The following TRMT13 variants were observed in gnomAD, a reference collection of about 807,000 sequenced individuals.
TRMT13 encodes tRNA:m(4)X modification enzyme TRM13 homolog.
A neutral mutation model predicts 55.9 loss-of-function variants in TRMT13; 45 were observed. That is an observed-to-expected ratio of 0.80 (90% CI 0.63 to 1.03). The LOEUF is 1.03. Among genes scored for constraint, TRMT13 ranks in the 50% least tolerant of loss-of-function variants. TRMT13 has a pLI of 0.00. For missense variants in TRMT13, 513 were observed against 563.9 expected (o/e 0.91, Z 0.91); for synonymous variants, 183 against 196.3 (o/e 0.93, Z 0.57).
At chr1:100,144,936 G>A (rs1570745929) in intron 9 of TRMT13, among the ~76,000 whole-genome samples, 1 of 152,286 alleles carries the variant, frequency 6.6e-6, no homozygotes, top group Admixed American at 6.5e-5. Context: ...CTATATATTT[G>A]TGTTGGCCTT....
intron 1 of TRMT13, among the ~76,000 whole-genome samples, chr1:100,134,130 G>A (rs531040607): frequency 5.3e-5 from 8 of 152,206 alleles, no homozygotes; most frequent in Non-Finnish European, 1.2e-4. Flanking sequence ...TTGCTGGAAT[G>A]GGAAGGAAAG....
chr1:100,142,842 G>GCTA lies in TRMT13; in HGVS notation c.670-294_670-292dup, dbSNP rs1656791142. ...CACCAGGAGTGACAAAGATAAAGGA[G>GCTA]CTAGTAGACAATCTTAGATAAATCA... On this transcript the variant is annotated intron_variant, in intron 7 of 10. Transcript: ENST00000370141. 8.9e-6 allele frequency: 3 copies of GCTA among 335,834 alleles called. No individual in the cohort carries two copies. The South Asian group carries it at 1.2e-4, about 13-fold the overall frequency. 20.8% of individuals were successfully genotyped at this position (335,834 alleles called of 1,614,324 possible).
rs898087030 is a variant in TRMT13, at chr1:100,139,553, A to G, written c.262-96A>G. On this transcript the variant is annotated intron_variant, in intron 3 of 10. Transcript: ENST00000370141. The stretch of plus-strand genomic sequence containing the variant: ...AATGGAGGAAGGGAGGATGGCAGGT[A>G]CAGAGCAGGGGATAAAGGGAAGAAT... 1.6e-5 allele frequency: 11 copies of G among 705,712 alleles called. No individual in the cohort carries two copies. In the African/African-American group the frequency reaches 1.8e-4, roughly 12 times the overall value. 43.7% of individuals were successfully genotyped at this position (705,712 alleles called of 1,614,324 possible). A position where few individuals can be genotyped will look rare whatever the true frequency, so the allele number is the denominator to read the frequency against.
intron 2 of TRMT13, 22 bp downstream of exon 2, chr1:100,136,950 G>GTT (rs144353071): frequency 4.8e-5 from 75 of 1,577,342 alleles, no homozygotes; most frequent in South Asian, 1.3e-4. Flanking sequence ...TCAGATACGG[G>GTT]TTTTTTTTTG....
At chr1:100,146,827 T>A (rs1380170650) in intron 9 of TRMT13, among the ~76,000 whole-genome samples, 13 of 152,226 alleles carry the variant, frequency 8.5e-5, no homozygotes, top group Non-Finnish European at 1.5e-5. Context: ...TTATTCACAT[T>A]TCTGAAAATC....
chr1:100,148,902 TTAAA>T lies in TRMT13; in HGVS notation c.*85_*88del, dbSNP rs1488428697. 4.5e-6 allele frequency: 5 copies of T among 1,117,176 alleles called. No individual in the cohort carries two copies. Among genetic ancestry groups the T allele is most frequent in the Non-Finnish European group, 3.5e-6 (3 of 848,222 alleles). The allele number at this position is 1,117,176 out of a possible 1,614,324, so 69.2% of individuals were successfully genotyped here. Reference sequence around the variant, plus strand: ...TTTTTATATCAAAAAAATATATACTTTAAATAGCAAATAATATGAACTTTAAAAA... The same window carrying T: ...TTTTTATATCAAAAAAATATATACTTTAGCAAATAATATGAACTTTAAAAA... On this transcript the variant is annotated 3_prime_UTR_variant, in exon 11 of 11. Transcript: ENST00000370141.
intron 1 of TRMT13, among the ~76,000 whole-genome samples, 174 bp downstream of exon 1, chr1:100,133,489 G>A (rs185404729): frequency 2.0e-5 from 3 of 152,226 alleles, no homozygotes; most frequent in African/African-American, 4.8e-5. Flanking sequence ...ATGAGTTCTA[G>A]TGATGAGAAA....
intron 7 of TRMT13, among the ~76,000 whole-genome samples, chr1:100,142,127 G>C (rs888324408): frequency 6.6e-6 from 1 of 152,184 alleles, no homozygotes; most frequent in African/African-American, 2.4e-5. Context: ...TTTGTGTTCA[G>C]TATGCTAAGT....
intron 8 of TRMT13, among the ~76,000 whole-genome samples, chr1:100,143,432 T>C (rs935430995): frequency 6.6e-6 from 1 of 152,198 alleles, no homozygotes; most frequent in African/African-American, 2.4e-5. Context: ...TGAAGTGTTA[T>C]ATTAGGGAAG....
Position 100,140,229 on chromosome 1 carries a change from GA to G in TRMT13, c.375del (p.Lys125AsnfsTer2), listed in dbSNP as rs761312216. 1 of 1,612,830 alleles carries G rather than the reference GA, an allele frequency of 6.2e-7. No individual in the cohort carries two copies. Among genetic ancestry groups the G allele is most frequent in the South Asian group, 1.1e-5 (1 of 90,830 alleles). ...AAGAGCAGTTGGAAAAGTTAATTAA[GA>G]AATTGAGAAAAGCAAGTGAAGGTAA... ...SEEQLEKLIK[K>X]LRKASEGLNS... On this transcript the variant is annotated frameshift_variant, in exon 5 of 11. Transcript: ENST00000370141. LOFTEE classifies it high-confidence loss of function.
Position 100,149,633 on chromosome 1 carries a change from G to A in TRMT13, c.*813G>A. 4 of 412,272 alleles carry A rather than the reference G, an allele frequency of 9.7e-6. No homozygotes were observed. Among genetic ancestry groups the A allele is most frequent in the South Asian group, 4.1e-5 (1 of 24,186 alleles). 25.5% of individuals were successfully genotyped at this position (412,272 alleles called of 1,614,324 possible). A position where few individuals can be genotyped will look rare whatever the true frequency, so the allele number is the denominator to read the frequency against. The stretch of plus-strand genomic sequence containing the variant: ...ACAATAAGTATGTTCTCTTCTGTTT[G>A]GGAAAATAATTTGGAATAAAATAGA... On this transcript the variant is annotated 3_prime_UTR_variant, in exon 11 of 11. Transcript: ENST00000370141.
Position 100,148,903 on chromosome 1 carries a change from T to C in TRMT13, c.*83T>C, listed in dbSNP as rs1657651474. ...TTTTATATCAAAAAAATATATACTT[T>C]AAATAGCAAATAATATGAACTTTAA... is the stretch of plus-strand genomic sequence containing the variant. On this transcript the variant is annotated 3_prime_UTR_variant, in exon 11 of 11. Coordinates refer to ENST00000370141, the MANE Select transcript of TRMT13 (RefSeq NM_019083.3). 6.3e-6 allele frequency: 7 copies of C among 1,114,872 alleles called. No individual in the cohort carries two copies. The East Asian group carries it at 9.3e-5, about 15-fold the overall frequency. The allele number at this position is 1,114,872 out of a possible 1,614,324, so 69.1% of individuals were successfully genotyped here.
chr1:100,145,782 G>A (rs536225778), intron 9 of TRMT13, among the ~76,000 whole-genome samples: 3 of 152,240 alleles, frequency 2.0e-5, no homozygotes, highest in South Asian at 4.2e-4. Flanking sequence ...GAGGTGGGAG[G>A]ATCACTTGAG....
rs751068330 is a variant in TRMT13 at position 100,148,654 on chromosome 1, T to C, written c.1280T>C (p.Ile427Thr). Reference protein sequence around the residue: ...GLLSVEEKKKIGHLCKLLIDQ... With the variant: ...GLLSVEEKKKTGHLCKLLIDQ... Reference sequence around the variant, plus strand: ...CTTAGTGTTGAAGAAAAGAAGAAAATAGGGCATCTTTGTAAATTGCTGATT... The same window carrying C: ...CTTAGTGTTGAAGAAAAGAAGAAAACAGGGCATCTTTGTAAATTGCTGATT... Residue 427 changes from isoleucine to threonine, a missense_variant, in exon 11 of 11, where the codon ATA becomes ACA. By Grantham distance (89) the Ile-to-Thr change is moderately conservative. Around this residue, in one of 3 missense-constraint regions of TRMT13, gnomAD observed 209 missense variants for 255.8 expected, o/e 0.82. Transcript: ENST00000370141. 2.2e-5 allele frequency: 35 copies of C among 1,610,438 alleles called. No homozygotes were observed. In the Middle Eastern group the frequency reaches 6.6e-4, roughly 30 times the overall value.
chr1:100,147,863 G>A, intron 9 of TRMT13, 31 bp from the exon 10 acceptor site: 2 of 1,549,928 alleles, frequency 1.3e-6, no homozygotes, highest in Non-Finnish European at 1.7e-6. Context: ...AGATGATGTG[G>A]TTTGGGGGGG....
chr1:100,133,421 C>T (rs1443557489), intron 1 of TRMT13, 106 bp downstream of exon 1: 6 of 1,328,940 alleles, frequency 4.5e-6, no homozygotes, highest in Admixed American at 2.6e-5. Flanking sequence ...CTTGTGTCCC[C>T]TGGATTCTCC....
intron 3 of TRMT13, among the ~76,000 whole-genome samples, chr1:100,139,368 T>G (rs1438374467): frequency 2.0e-5 from 3 of 152,210 alleles, no homozygotes; most frequent in African/African-American, 7.2e-5. Context: ...ATGAATTTCT[T>G]TAAACTGTAA....
chr1:100,139,672 T>C lies in TRMT13; in HGVS notation c.285T>C (p.Asn95=). The change falls in exon 4 of 11, where the codon AAT becomes AAC. Residue 95 remains asparagine, a synonymous_variant. Coordinates refer to ENST00000370141, the MANE Select transcript of TRMT13 (RefSeq NM_019083.3). The stretch of plus-strand genomic sequence containing the variant: ...AGGATTTCTATATTCAAGATATTAA[T>C]GCAGGCTTAAGAGATGAAACAGAAA... ...PKPDFYIQDI[N]AGLRDETEIP... is the part of the protein sequence containing the mutation. The C allele has an allele frequency of 6.5e-7, 1 of 1,544,088 alleles. No individual in the cohort carries two copies. Among genetic ancestry groups the C allele is most frequent in the Non-Finnish European group, 8.9e-7 (1 of 1,119,634 alleles).
In TRMT13 at chr1:100,139,697, A is replaced by G; in HGVS notation, c.310A>G (p.Ile104Val). 1 of 1,531,274 alleles carries G rather than the reference A, an allele frequency of 6.5e-7. No individual in the cohort carries two copies. The highest frequency in any genetic ancestry group is 9.0e-7 in the Non-Finnish European group (1 of 1,108,806). 94.9% of individuals were successfully genotyped at this position (1,531,274 alleles called of 1,614,324 possible). The change falls in exon 4 of 11, where the codon ATA becomes GTA. Residue 104 changes from isoleucine to valine, a missense_variant. This residue lies in a region of TRMT13 where 298 missense variants were observed against 290.3 expected (regional missense o/e 1.03). Transcript: ENST00000370141. ...INAGLRDETEIPEQLVPISSL... is the reference protein window; with the variant it reads ...INAGLRDETEVPEQLVPISSL... Reference sequence around the variant, plus strand: ...TGCAGGCTTAAGAGATGAAACAGAAATACCTGAACAATTAGTAAGTACATT... The same window carrying G: ...TGCAGGCTTAAGAGATGAAACAGAAGTACCTGAACAATTAGTAAGTACATT...
Sources: gnomAD v4.1 joint callset for allele counts (sites outside exome capture counted in the v4.1 genomes callset) on GRCh38, gnomAD v4.1.1 for gene constraint, gnomAD v4.1.1 regional missense constraint, MANE v1.5 for transcripts, NCBI Gene and HGNC (gene_info 2026-07-23, HGNC 2026-07-21) for gene names.